Variants in ATAD1 observed in about 807,000 individuals in gnomAD.
ATAD1 encodes the protein outer mitochondrial transmembrane helix translocase.
Under a neutral mutation model 42.7 loss-of-function variants are expected in ATAD1, and 18 were observed. The observed-to-expected ratio is 0.42, with a 90% CI of 0.29 to 0.63. The LOEUF (loss-of-function observed/expected upper bound fraction) is 0.63. Ranked by LOEUF, ATAD1 falls within the 20% of genes least tolerant of loss-of-function variation. The pLI, the probability that ATAD1 is intolerant of heterozygous loss-of-function variation, is 0.19. For synonymous variants in ATAD1, 132 were observed against 143.1 expected (o/e 0.92, Z 0.55); for missense variants, 294 against 440.4 (o/e 0.67, Z 2.98).
intron 8 of ATAD1, among the ~76,000 whole-genome samples, chr10:87,765,876 C>T (rs1222502773): frequency 6.6e-6 from 1 of 151,744 alleles, no homozygotes; most frequent in Non-Finnish European, 1.5e-5. Context: ...AAATAAATAA[C>T]TAAATAAATA....
intron 1 of ATAD1, among the ~76,000 whole-genome samples, chr10:87,815,875 G>C (rs1196075194): frequency 6.6e-6 from 1 of 151,974 alleles, no homozygotes; most frequent in Admixed American, 6.6e-5. Flanking sequence ...TCTTTTCAAA[G>C]GGACTCTATA....
intron 2 of ATAD1, among the ~76,000 whole-genome samples, chr10:87,794,785 T>C (rs1048515400): frequency 6.6e-6 from 1 of 152,218 alleles, no homozygotes; most frequent in Non-Finnish European, 1.5e-5. Flanking sequence ...ATTTAAAGAA[T>C]AGCCTTTATT....
intron 6 of ATAD1, among the ~76,000 whole-genome samples, chr10:87,771,619 C>T (rs1038145971): frequency 6.6e-6 from 1 of 152,062 alleles, no homozygotes; most frequent in African/African-American, 2.4e-5. Context: ...AATAAAGTCT[C>T]AAGTAATCCA....
At chr10:87,808,045 T>C (rs1378786316) in intron 2 of ATAD1, among the ~76,000 whole-genome samples, 2 of 152,204 alleles carry the variant, frequency 1.3e-5, no homozygotes, top group African/African-American at 2.4e-5. Flanking sequence ...TACTATATAA[T>C]GCTTTTTTTA....
chr10:87,756,954 CA>C (rs779688443), intron 8 of ATAD1, 32 bp from the exon 9 acceptor site: 13 of 1,549,444 alleles, frequency 8.4e-6, no homozygotes, highest in Admixed American at 6.0e-5. Context: ...GCTTAAAAAA[CA>C]AAAATAAATA....
At chr10:87,837,414 A>G (rs1857949285) in intron 1 of ATAD1, among the ~76,000 whole-genome samples, 1 of 152,138 alleles carries the variant, frequency 6.6e-6, no homozygotes, top group Non-Finnish European at 1.5e-5. Context: ...ATTTGGATCT[A>G]TCCTCTATGT....
At chr10:87,833,954 G>A (rs1490557608) in intron 1 of ATAD1, among the ~76,000 whole-genome samples, 1 of 152,070 alleles carries the variant, frequency 6.6e-6, no homozygotes, top group Admixed American at 6.6e-5. Context: ...GACCTCAGGT[G>A]ATCTGCCTGC....
intron 2 of ATAD1, among the ~76,000 whole-genome samples, chr10:87,794,275 C>T (rs552239371): frequency 6.6e-6 from 1 of 152,114 alleles, no homozygotes; most frequent in Non-Finnish European, 1.5e-5. Context: ...GGATACATCT[C>T]CTGTTTATCT....
intron 6 of ATAD1, among the ~76,000 whole-genome samples, chr10:87,771,644 T>C (rs1430902454): frequency 1.3e-5 from 2 of 151,820 alleles, no homozygotes; most frequent in Admixed American, 6.6e-5. Flanking sequence ...TAAACAAAGA[T>C]AACAGAGTAT....
intron 7 of ATAD1, among the ~76,000 whole-genome samples, chr10:87,769,683 T>G (rs988483769): frequency 6.6e-6 from 1 of 152,190 alleles, no homozygotes; most frequent in African/African-American, 2.4e-5. Context: ...GTGCAGTGAC[T>G]CATGCCTGTA....
intron 1 of ATAD1, among the ~76,000 whole-genome samples, chr10:87,823,617 A>G (rs781148332): frequency 6.6e-6 from 1 of 152,214 alleles, no homozygotes; most frequent in African/African-American, 2.4e-5. Flanking sequence ...ATTAGTTAAA[A>G]TAGAAGAAAC....
chr10:87,779,839 A>T (rs1318675184), intron 5 of ATAD1, among the ~76,000 whole-genome samples: 2 of 152,212 alleles, frequency 1.3e-5, no homozygotes, highest in Non-Finnish European at 1.5e-5. Context: ...GCTAGAGAAG[A>T]TGTATACCAA....
rs555266057 is a variant in ATAD1, at chr10:87,825,650, C to T, written c.-13-11038G>A. 1.6e-4 allele frequency among the ~76,000 whole-genome samples: 24 copies of T among 151,528 alleles called. No individual in the cohort carries two copies. The South Asian group carries it at 3.8e-3, about 24-fold the overall frequency. ...CTATTAACCTCAGGGACAACCACAG[C>T]GTCAGAGCTGTTATTCTACATATAA... On this transcript the variant is annotated intron_variant, in intron 1 of 4. Transcript: ENST00000495903.
intron 1 of ATAD1, among the ~76,000 whole-genome samples, chr10:87,828,702 G>A (rs1857772891): frequency 1.3e-5 from 2 of 152,220 alleles, no homozygotes; most frequent in Admixed American, 6.5e-5. Context: ...TATAGCTAGT[G>A]AAGACAAGTC....
chr10:87,817,760 A>G (rs1857489310), intron 1 of ATAD1: 3 of 985,462 alleles, frequency 3.0e-6, no homozygotes, highest in Non-Finnish European at 2.4e-6. Context: ...TCGATTTTGC[A>G]CAAGGTGGTG....
At chr10:87,772,217 C>CTT (rs904878344) in intron 6 of ATAD1, among the ~76,000 whole-genome samples, 1 of 148,868 alleles carries the variant, frequency 6.7e-6, no homozygotes, top group Non-Finnish European at 1.5e-5. Flanking sequence ...TTCTTTCTTT[C>CTT]TTTTTTTTTT....
intron 5 of ATAD1, among the ~76,000 whole-genome samples, chr10:87,777,256 C>A (rs941259677): frequency 6.6e-6 from 1 of 152,034 alleles, no homozygotes; most frequent in Non-Finnish European, 1.5e-5. Context: ...ATACTTTTTT[C>A]TCATGCAGTT....
Position 87,832,074 on chromosome 10 carries a change from C to CTTTTTTTT in ATAD1, c.-14+9105_-14+9112dup, listed in dbSNP as rs531545097. On this transcript the variant is annotated intron_variant, in intron 1 of 4. Transcript: ENST00000495903. ...TTTTCTGTTACATAGATTGTTATGG[C>CTTTTTTTT]TTTTTTTTTTTTTTTTTTTGACAGG... 12 of 108,774 alleles carry CTTTTTTTT rather than the reference C, an allele frequency of 1.1e-4. 1 individual carries two copies. The highest frequency in any genetic ancestry group is 1.3e-4 in the Non-Finnish European group (7 of 55,772). The allele number at this position is 108,774 out of a possible 1,614,324, so 6.7% of individuals were successfully genotyped here.
rs11202573 is a variant in ATAD1, at chr10:87,815,732, C to T, written c.-13-1120G>A. On this transcript the variant is annotated intron_variant, in intron 1 of 9. Coordinates refer to ENST00000680024, the MANE Select transcript of ATAD1 (RefSeq NM_001321967.2). ...TTTCCTTTTATACCCCTCACCTCCA[C>T]TCAAGGATATATACTCCTTCTCTCT... 7.2e-3 allele frequency among the ~76,000 whole-genome samples: 1,099 copies of T among 152,210 alleles called. 9 individuals carry two copies. The highest frequency in any genetic ancestry group is 0.025 in the African/African-American group (1,045 of 41,560).
Sources: allele counts gnomAD v4.1 joint callset (sites outside exome capture counted in the v4.1 genomes callset), GRCh38; gene constraint gnomAD v4.1.1; transcripts MANE v1.5; gene names NCBI Gene and HGNC (gene_info 2026-07-23, HGNC 2026-07-21).